PLCH1: variants seen among roughly 807,000 people sequenced by gnomAD.
PLCH1 encodes the protein phospholipase C eta 1, also known as 1-phosphatidylinositol 4,5-bisphosphate phosphodiesterase eta-1.
A neutral mutation model predicts 126.7 loss-of-function variants in PLCH1; 60 were observed. The ratio of observed to expected loss-of-function variants is 0.47; its 90% confidence interval spans 0.38 to 0.59. PLCH1 has a LOEUF of 0.59. Among genes scored for constraint, PLCH1 ranks in the 20% least tolerant of loss-of-function variants. The pLI is 0.00. For missense variants in PLCH1, 1,723 were observed against 2,040.0 expected, an observed-to-expected ratio of 0.84 and a Z score of 2.99; for synonymous variants, 719 against 734.9, an observed-to-expected ratio of 0.98 and a Z score of 0.35.
At chr3:155,684,923 C>A (rs1342138706) in intron 2 of PLCH1, among the ~76,000 whole-genome samples, 1 of 152,174 alleles carries the variant, frequency 6.6e-6, no homozygotes, top group Non-Finnish European at 1.5e-5. Context: ...TTCCCCCTAA[C>A]AGTACTGATT....
chr3:155,577,771 A>G (rs1730172303), intron 6 of PLCH1, among the ~76,000 whole-genome samples: 1 of 152,224 alleles, frequency 6.6e-6, no homozygotes, highest in Non-Finnish European at 1.5e-5. Context: ...GAAGAAACAC[A>G]TGCCCCTTAG....
At chr3:155,515,696 A>G (rs765421984) in intron 11 of PLCH1, among the ~76,000 whole-genome samples, 5 of 152,198 alleles carry the variant, frequency 3.3e-5, no homozygotes, top group African/African-American at 4.8e-5. Flanking sequence ...CTTGAAACCA[A>G]TGGCCCCAGC....
chr3:155,692,553 T>TTTTTG (rs140149730), intron 2 of PLCH1, among the ~76,000 whole-genome samples: 57,274 of 150,532 alleles, frequency 0.38, 11,372 homozygotes, highest in East Asian at 0.52. Flanking sequence ...ACCATCATTG[T>TTTTTG]TTTTGTTTTG....
At position 155,466,559 on chromosome 3, in the gene PLCH1, C is replaced by G. The variant is rs140661502; in HGVS notation, c.2938+18797G>C. On this transcript the variant is annotated intron_variant, in intron 21 of 21. Coordinates refer to the PLCH1 transcript ENST00000494598. ...CAGACAGTGAAGACTGCAATAAATACCTGATTTTTCAATGCTCAGACACTG... is the reference window on the plus strand; with the variant it reads ...CAGACAGTGAAGACTGCAATAAATAGCTGATTTTTCAATGCTCAGACACTG... Among the ~76,000 whole-genome samples, 734 of 152,216 alleles carry G rather than the reference C, an allele frequency of 4.8e-3. 2 individuals carry two copies. The highest frequency in any genetic ancestry group is 7.7e-3 in the Non-Finnish European group (525 of 68,010).
intron 21 of PLCH1, among the ~76,000 whole-genome samples, chr3:155,486,511 TTG>T (rs770302004): frequency 7.8e-5 from 11 of 141,038 alleles, no homozygotes; most frequent in African/African-American, 2.5e-4. Flanking sequence ...TGGCTCAAGT[TTG>T]TTTTTTTTTT....
intron 20 of PLCH1, 36 bp downstream of exon 20, chr3:155,488,624 G>A (rs1715673264): frequency 1.3e-6 from 2 of 1,544,554 alleles, no homozygotes; most frequent in African/African-American, 1.4e-5. Context: ...AAAAAGGAAT[G>A]GTCAGTCTAG....
intron 4 of PLCH1, 86 bp downstream of exon 4, chr3:155,593,855 A>C: frequency 7.4e-7 from 1 of 1,353,492 alleles, no homozygotes; most frequent in East Asian, 2.3e-5. Flanking sequence ...AAAAATTAAA[A>C]CATAGTCTAA....
intron 8 of PLCH1, 36 bp from the exon 9 acceptor site, chr3:155,554,232 G>C: frequency 6.3e-7 from 1 of 1,595,396 alleles, no homozygotes; most frequent in Non-Finnish European, 8.5e-7. Flanking sequence ...ACAACCCAAA[G>C]TCTCTGGTGT....
At chr3:155,476,032 C>A (rs1049543596), downstream of PLCH1, among the ~76,000 whole-genome samples, 1 of 152,032 alleles carries the variant, frequency 6.6e-6, no homozygotes, top group African/African-American at 2.4e-5. Context: ...AGGCCAATAT[C>A]TGTGATGAAT....
intron 2 of PLCH1, 54 bp downstream of exon 2, chr3:155,704,092 C>A: frequency 1.3e-6 from 1 of 756,804 alleles, no homozygotes; most frequent in South Asian, 6.8e-5. Context: ...GAATAAAAGT[C>A]CTGTCAGAAA....
chr3:155,453,965 T>C (rs1045508001), intron 21 of PLCH1, among the ~76,000 whole-genome samples: 1 of 152,008 alleles, frequency 6.6e-6, no homozygotes, highest in Non-Finnish European at 1.5e-5. Flanking sequence ...AAAATTAAAA[T>C]TGTACTCCAG....
At chr3:155,743,487 G>A (rs930881140) in intron 1 of PLCH1, 1 of 429,868 alleles carries the variant, frequency 2.3e-6, no homozygotes, top group Non-Finnish European at 4.6e-6. Flanking sequence ...AGCCGAGATC[G>A]CACCACTGCA....
intron 10 of PLCH1, among the ~76,000 whole-genome samples, chr3:155,542,528 G>C (rs543817549): frequency 5.3e-5 from 8 of 152,258 alleles, no homozygotes; most frequent in African/African-American, 1.7e-4. Flanking sequence ...GCTTTGAAGA[G>C]AGCAGTGGTT....
Position 155,565,840 on chromosome 3 carries a change from C to T in PLCH1, c.866-722G>A, listed in dbSNP as rs146229162. 5.3e-3 allele frequency among the ~76,000 whole-genome samples: 797 copies of T among 151,620 alleles called. 10 individuals carry two copies. The highest frequency in any genetic ancestry group is 0.037 in the East Asian group (190 of 5,140). ...CCTTCTGAGTAGCTGGGACTACAGGCATGCGCCACTGCGTGTAGCTAATTT... is the reference window on the plus strand; with the variant it reads ...CCTTCTGAGTAGCTGGGACTACAGGTATGCGCCACTGCGTGTAGCTAATTT... On this transcript the variant is annotated intron_variant, in intron 7 of 22. Coordinates refer to ENST00000460012, the MANE Select transcript of PLCH1 (RefSeq NM_014996.4).
At chr3:155,499,203 G>A (rs1178233242) in intron 14 of PLCH1, among the ~76,000 whole-genome samples, 3 of 152,122 alleles carry the variant, frequency 2.0e-5, no homozygotes, top group African/African-American at 7.2e-5. Context: ...TTGGCCATTT[G>A]TATATCTTCT....
chr3:155,540,222 C>T (rs1321767333), intron 10 of PLCH1, among the ~76,000 whole-genome samples: 2 of 152,120 alleles, frequency 1.3e-5, no homozygotes, highest in Non-Finnish European at 2.9e-5. Flanking sequence ...CATCTCTCAC[C>T]TTCTACAAAA....
chr3:155,511,618 G>A (rs200822688), intron 12 of PLCH1, among the ~76,000 whole-genome samples: 1 of 140,394 alleles, frequency 7.1e-6, no homozygotes, highest in Admixed American at 6.9e-5. Flanking sequence ...CCTGTGTGAG[G>A]TGTCAGTGTG....
intron 2 of PLCH1, among the ~76,000 whole-genome samples, chr3:155,646,563 C>CAT (rs1740084639): frequency 6.6e-6 from 1 of 152,190 alleles, no homozygotes; most frequent in Non-Finnish European, 1.5e-5. Context: ...CATTCAACTC[C>CAT]ATAATGAGAG....
At chr3:155,741,001 C>G (rs759357953) in intron 1 of PLCH1, among the ~76,000 whole-genome samples, 43 of 152,182 alleles carry the variant, frequency 2.8e-4, no homozygotes, top group Non-Finnish European at 5.3e-4. Flanking sequence ...TAGCTATCCA[C>G]GTTATCTTGG....
Sources: gnomAD v4.1 joint callset for allele counts (sites outside exome capture counted in the v4.1 genomes callset) on GRCh38, gnomAD v4.1.1 for gene constraint, MANE v1.5 for transcripts, NCBI Gene and HGNC (gene_info 2026-07-23, HGNC 2026-07-21) for gene names.